FGGY: variants seen among roughly 807,000 people sequenced by gnomAD.
FGGY encodes FGGY carbohydrate kinase domain-containing protein.
A neutral mutation model predicts 71.3 loss-of-function variants in FGGY; 72 were observed. That is an observed-to-expected ratio of 1.01 (90% confidence interval 0.84 to 1.23). The LOEUF is 1.23. Among genes scored for constraint, FGGY ranks in the 50% most tolerant of loss-of-function variants. The pLI, the probability that FGGY is intolerant of heterozygous loss-of-function variation, is 0.00. For missense variants in FGGY, 668 were observed against 682.3 expected, an observed-to-expected ratio of 0.98 and a Z score of 0.23; for synonymous variants, 251 against 250.3, an observed-to-expected ratio of 1.00 and a Z score of -0.02.
intron 1 of FGGY, among the ~76,000 whole-genome samples, chr1:59,311,405 A>G (rs1440474629): frequency 6.8e-6 from 1 of 147,802 alleles, no homozygotes; most frequent in African/African-American, 2.5e-5. Flanking sequence ...CCCCCACCCC[A>G]CAACAGGCCC....
At chr1:59,710,696 TTCA>T (rs2097787689) in intron 14 of FGGY, among the ~76,000 whole-genome samples, 1 of 151,780 alleles carries the variant, frequency 6.6e-6, no homozygotes, top group Admixed American at 6.6e-5. Flanking sequence ...TGAAAAAAAG[TTCA>T]TCATCACTGC....
At chr1:59,485,519 T>A (rs1244314381) in intron 6 of FGGY, among the ~76,000 whole-genome samples, 1 of 152,186 alleles carries the variant, frequency 6.6e-6, no homozygotes, top group East Asian at 1.9e-4. Context: ...GGAACTTCCA[T>A]ACCAGCCTTG....
chr1:59,362,016 C>A (rs976913780), intron 4 of FGGY, among the ~76,000 whole-genome samples: 2 of 152,154 alleles, frequency 1.3e-5, no homozygotes, highest in Non-Finnish European at 2.9e-5. Flanking sequence ...GTGCAGACCG[C>A]GAACACGGCT....
chr1:59,441,708 A>G (rs1352325353), intron 5 of FGGY, among the ~76,000 whole-genome samples: 2 of 152,210 alleles, frequency 1.3e-5, no homozygotes, highest in South Asian at 2.1e-4. Flanking sequence ...TAACAGATGA[A>G]GAAAATGAAG....
At chr1:59,438,034 G>A (rs1377242415) in intron 5 of FGGY, among the ~76,000 whole-genome samples, 1 of 152,228 alleles carries the variant, frequency 6.6e-6, no homozygotes. Context: ...GCAGGCTAAA[G>A]TGAAGAAATA....
rs117153948 is a variant in FGGY at position 59,641,543 on chromosome 1, G to C, written c.1221+3168G>C. 2.6e-3 allele frequency among the ~76,000 whole-genome samples: 395 copies of C among 152,328 alleles called. 6 individuals are homozygous for C. Among genetic ancestry groups the C allele is most frequent in the Admixed American group, 0.021 (318 of 15,300 alleles). Reference sequence around the variant, plus strand: ...TGTGTGTGTATATAATCATTTTACAGTGTGATCTCTGTAATAATCAGTGCA... The same window carrying C: ...TGTGTGTGTATATAATCATTTTACACTGTGATCTCTGTAATAATCAGTGCA... On this transcript the variant is annotated intron_variant, in intron 11 of 15. Coordinates refer to ENST00000303721, the MANE Select transcript of FGGY (RefSeq NM_018291.5).
chr1:59,666,446 C>A (rs2097326936), intron 12 of FGGY, among the ~76,000 whole-genome samples: 1 of 152,158 alleles, frequency 6.6e-6, no homozygotes, highest in Admixed American at 6.5e-5. Flanking sequence ...TTTGAACTTT[C>A]AAGTAAATTA....
At chr1:59,451,066 T>A (rs2072584193) in intron 5 of FGGY, among the ~76,000 whole-genome samples, 1 of 152,114 alleles carries the variant, frequency 6.6e-6, no homozygotes, top group Non-Finnish European at 1.5e-5. Context: ...TTGTTTTCTA[T>A]TTATATTACA....
At chr1:59,709,344 C>T (rs1239066928) in intron 14 of FGGY, among the ~76,000 whole-genome samples, 1 of 152,166 alleles carries the variant, frequency 6.6e-6, no homozygotes, top group Non-Finnish European at 1.5e-5. Context: ...CTCTCACTAT[C>T]ACAAGAACAG....
In FGGY at chr1:59,321,705, G is replaced by A; in HGVS notation, c.156G>A (p.Glu52=). 1 of 1,612,850 alleles carries A rather than the reference G, an allele frequency of 6.2e-7. No individual in the cohort carries two copies. The change falls in exon 2 of 16, where the codon GAG becomes GAA. Residue 52 remains glutamate (E), a synonymous_variant. Transcript: ENST00000303721. ...KNWEPQFNHH[E]QSSEDIWAAC... ...GGGAGCCCCAGTTCAACCACCATGA[G>A]CAGTCCTCCGAGGACATCTGGGCTG...
chr1:59,486,200 G>T (rs1411568363), intron 6 of FGGY, among the ~76,000 whole-genome samples: 1 of 152,118 alleles, frequency 6.6e-6, no homozygotes, highest in African/African-American at 2.4e-5. Flanking sequence ...CCATGCGTTG[G>T]TCAAGGAGAC....
At chr1:59,346,153 C>T in intron 3 of FGGY, 94 bp from the exon 4 acceptor site, 1 of 1,464,852 alleles carries the variant, frequency 6.8e-7, no homozygotes, top group South Asian at 1.3e-5. Context: ...ATAGAAAGTA[C>T]ATAGCATTTT....
chr1:59,538,995 T>C (rs935910129), intron 7 of FGGY, among the ~76,000 whole-genome samples: 1 of 151,936 alleles, frequency 6.6e-6, no homozygotes, highest in Non-Finnish European at 1.5e-5. Context: ...TAAAGTATAA[T>C]AATAATAAAA....
chr1:59,579,109 T>A (rs1279652568), intron 8 of FGGY, among the ~76,000 whole-genome samples: 2 of 152,140 alleles, frequency 1.3e-5, no homozygotes, highest in Admixed American at 6.5e-5. Context: ...AGGGTCTGTG[T>A]TCCTAAATCC....
At chr1:59,442,108 G>T (rs1431235718) in intron 5 of FGGY, among the ~76,000 whole-genome samples, 1 of 152,136 alleles carries the variant, frequency 6.6e-6, no homozygotes, top group African/African-American at 2.4e-5. Flanking sequence ...GTTTCTAGAG[G>T]CAGTTTGTAT....
chr1:59,381,628 C>CGT (rs113981398), intron 5 of FGGY, among the ~76,000 whole-genome samples: 8,142 of 143,140 alleles, frequency 0.057, 229 homozygotes, highest in East Asian at 0.079. Context: ...ATGTATAACT[C>CGT]GTGTGTGTGT....
chr1:59,512,629 T>G (rs911899894), intron 7 of FGGY, among the ~76,000 whole-genome samples, 190 bp downstream of exon 7: 4 of 152,184 alleles, frequency 2.6e-5, no homozygotes, highest in African/African-American at 9.6e-5. Context: ...ATGATAAAAT[T>G]TATTTATAAT....
In FGGY at chr1:59,346,350, G is replaced by A; in HGVS notation, c.417G>A (p.Gly139=). ...ACAGTGTCCTCCAGTACGTCGGGGG[G>A]GTGATGTCTGTGGAAATGCAGGCCC... ...TKHSVLQYVG[G]VMSVEMQAPK... Residue 139 remains glycine (G), a synonymous_variant, in exon 4 of 16, where the codon GGG becomes GGA. Transcript: ENST00000303721. The A allele has an allele frequency of 6.2e-7, 1 of 1,611,834 alleles. No individual in the cohort carries two copies.
intron 1 of FGGY, among the ~76,000 whole-genome samples, chr1:59,317,314 T>C (rs911702404): frequency 2.0e-5 from 3 of 152,148 alleles, no homozygotes; most frequent in African/African-American, 4.8e-5. Flanking sequence ...CCTGATGCCA[T>C]TTGCTGTTTG....
Sources: gnomAD v4.1 joint callset for allele counts (sites outside exome capture counted in the v4.1 genomes callset) on GRCh38, gnomAD v4.1.1 for gene constraint, MANE v1.5 for transcripts, NCBI Gene and HGNC (gene_info 2026-07-23, HGNC 2026-07-21) for gene names.